PIP5K1B: variants seen among roughly 807,000 people sequenced by gnomAD.
The protein encoded by PIP5K1B is phosphatidylinositol-4-phosphate 5-kinase type 1 beta, also known as phosphatidylinositol 4-phosphate 5-kinase type-1 beta.
In PIP5K1B, 42 loss-of-function variants were observed where a neutral mutation model predicts 67.0. That is an observed-to-expected ratio of 0.63 (90% confidence interval 0.49 to 0.81). The LOEUF (loss-of-function observed/expected upper bound fraction) is 0.81. Ranked by LOEUF, PIP5K1B falls within the 30% of genes least tolerant of loss-of-function variation. The probability of loss-of-function intolerance (pLI) is 0.00; values close to 1 mark genes in which losing one functional copy is unlikely to be tolerated. For missense variants in PIP5K1B, 459 were observed against 646.3 expected, an observed-to-expected ratio of 0.71 and a Z score of 3.14; for synonymous variants, 214 against 231.4, an observed-to-expected ratio of 0.92 and a Z score of 0.68.
At chr9:68,830,022 A>C (rs1834206552) in intron 4 of PIP5K1B, among the ~76,000 whole-genome samples, 1 of 152,088 alleles carries the variant, frequency 6.6e-6, no homozygotes, top group Non-Finnish European at 1.5e-5. Context: ...ATGATGCTGT[A>C]TGCGTCCCAA....
chr9:68,948,306 C>G (rs1463407033), intron 14 of PIP5K1B, among the ~76,000 whole-genome samples: 1 of 152,198 alleles, frequency 6.6e-6, no homozygotes, highest in Non-Finnish European at 1.5e-5. Flanking sequence ...TGTCACATCT[C>G]TCTCCAGTTG....
chr9:68,885,483 G>A (rs1263329773), intron 6 of PIP5K1B, among the ~76,000 whole-genome samples: 2 of 152,156 alleles, frequency 1.3e-5, no homozygotes, highest in Non-Finnish European at 2.9e-5. Context: ...AGTGTGTATG[G>A]TGATGGATAT....
intron 7 of PIP5K1B, among the ~76,000 whole-genome samples, chr9:68,891,260 T>A (rs563731928): frequency 1.3e-5 from 2 of 152,176 alleles, no homozygotes; most frequent in South Asian, 4.2e-4. Flanking sequence ...AAAGAAAAAT[T>A]AAATTTAGCT....
chr9:68,967,654 C>T (rs546574747), intron 14 of PIP5K1B, among the ~76,000 whole-genome samples: 1 of 152,280 alleles, frequency 6.6e-6, no homozygotes, highest in South Asian at 2.1e-4. Context: ...TCCAGCAGTT[C>T]AGGGAATCTG....
chr9:68,997,646 C>T (rs1025803686), intron 15 of PIP5K1B, among the ~76,000 whole-genome samples: 5 of 152,144 alleles, frequency 3.3e-5, no homozygotes, highest in African/African-American at 1.2e-4. Context: ...TGCTTGGCCC[C>T]TAAGTTATTG....
chr9:68,883,191 A>G (rs1451396637), intron 6 of PIP5K1B, among the ~76,000 whole-genome samples: 1 of 152,238 alleles, frequency 6.6e-6, no homozygotes, highest in Non-Finnish European at 1.5e-5. Context: ...TCACATAACT[A>G]GCAACTGATA....
chr9:68,853,763 T>C (rs1822612749), intron 4 of PIP5K1B, among the ~76,000 whole-genome samples: 4 of 152,046 alleles, frequency 2.6e-5, no homozygotes, highest in African/African-American at 7.2e-5. Context: ...AGGAATGCAA[T>C]AGCCATTTGC....
At chr9:68,926,077 A>G (rs1332504289) in intron 12 of PIP5K1B, among the ~76,000 whole-genome samples, 1 of 151,786 alleles carries the variant, frequency 6.6e-6, no homozygotes, top group Non-Finnish European at 1.5e-5. Context: ...TTACAGGCTT[A>G]AGCCACCGCG....
chr9:68,877,446 T>C (rs1222773426), intron 6 of PIP5K1B, among the ~76,000 whole-genome samples: 1 of 152,120 alleles, frequency 6.6e-6, no homozygotes, highest in Non-Finnish European at 1.5e-5. Context: ...CTGTTACAAG[T>C]GAAAAAATGG....
At chr9:68,937,853 T>C (rs550268343) in intron 13 of PIP5K1B, among the ~76,000 whole-genome samples, 10 of 152,232 alleles carry the variant, frequency 6.6e-5, no homozygotes, top group Non-Finnish European at 7.3e-5. Context: ...CTTCATTTTG[T>C]TATTTACCCG....
In PIP5K1B at chr9:68,891,347, C is replaced by T. The variant is rs1260467863; in HGVS notation, c.471+2214C>T. On this transcript the variant is annotated intron_variant, in intron 7 of 15. Transcript: ENST00000265382. ...CCCCATTAACAAGAAAAAATGTGAA[C>T]GTCACGTGGTTACCCAAATAGATGT... 6.6e-5 allele frequency among the ~76,000 whole-genome samples: 10 copies of T among 152,040 alleles called. No individual in the cohort carries two copies. The South Asian group carries it at 1.0e-3, about 16-fold the overall frequency.
chr9:68,783,418 A>T (rs1221107764), intron 2 of PIP5K1B: 1 of 167,018 alleles, frequency 6.0e-6, no homozygotes, highest in Admixed American at 6.5e-5. Flanking sequence ...AAGGCAATGT[A>T]TACCTGCTGA....
intron 14 of PIP5K1B, among the ~76,000 whole-genome samples, chr9:68,983,732 C>CCCTCAGACAGTCTG (rs1187967943): frequency 6.6e-6 from 1 of 152,094 alleles, no homozygotes; most frequent in Non-Finnish European, 1.5e-5. Context: ...GTGCAATTAG[C>CCCTCAGACAGTCTG]CCTCAGACAG....
chr9:68,971,835 G>T (rs1829387598), intron 14 of PIP5K1B, among the ~76,000 whole-genome samples: 1 of 152,102 alleles, frequency 6.6e-6, no homozygotes, highest in Admixed American at 6.5e-5. Flanking sequence ...TTTTGATGGG[G>T]TTGTTTTTTC....
At chr9:68,949,718 T>C (rs1260926071) in intron 14 of PIP5K1B, among the ~76,000 whole-genome samples, 1 of 152,214 alleles carries the variant, frequency 6.6e-6, no homozygotes. Context: ...GTGAACAATA[T>C]GTGAATCGGG....
chr9:68,837,590 A>C (rs971675582), intron 4 of PIP5K1B, among the ~76,000 whole-genome samples: 9 of 114,982 alleles, frequency 7.8e-5, no homozygotes, highest in Non-Finnish European at 1.6e-4. Flanking sequence ...TTAGACTTTT[A>C]CTTTTCCTTA....
At chr9:68,983,764 C>T (rs1275121390) in intron 14 of PIP5K1B, among the ~76,000 whole-genome samples, 1 of 152,172 alleles carries the variant, frequency 6.6e-6, no homozygotes, top group East Asian at 1.9e-4. Context: ...AGAACTGTGG[C>T]AAAACTTAAT....
At chr9:68,724,529 A>G (rs1218093333) in intron 1 of PIP5K1B, among the ~76,000 whole-genome samples, 2 of 152,124 alleles carry the variant, frequency 1.3e-5, no homozygotes, top group Non-Finnish European at 2.9e-5. Context: ...TGTTAAAATG[A>G]TAAGCATTTT....
intron 6 of PIP5K1B, among the ~76,000 whole-genome samples, chr9:68,878,320 A>G (rs1381672414): frequency 1.3e-5 from 2 of 152,042 alleles, no homozygotes; most frequent in South Asian, 2.1e-4. Flanking sequence ...TAGCCCTCCC[A>G]TATCCATTGC....
Sources: gnomAD v4.1 joint callset for allele counts (sites outside exome capture counted in the v4.1 genomes callset) on GRCh38, gnomAD v4.1.1 for gene constraint, MANE v1.5 for transcripts, NCBI Gene and HGNC (gene_info 2026-07-23, HGNC 2026-07-21) for gene names.